The following RINT1 variants were observed in gnomAD, a reference collection of about 807,000 sequenced individuals.
The protein encoded by RINT1 is RAD50 interactor 1.
In RINT1, 75 loss-of-function variants were observed where a neutral mutation model predicts 97.7. The observed-to-expected ratio is 0.77, with a 90% confidence interval of 0.64 to 0.93. The LOEUF (loss-of-function observed/expected upper bound fraction) is 0.93, where lower values mean the gene tolerates loss of function less well. Among genes scored for constraint, RINT1 ranks in the 40% least tolerant of loss-of-function variants. The pLI is 0.00. For missense variants in RINT1, 892 were observed against 925.2 expected, an observed-to-expected ratio of 0.96 and a Z score of 0.47; for synonymous variants, 303 against 326.3, an observed-to-expected ratio of 0.93 and a Z score of 0.77.
At chr7:105,554,136 G>A (rs1346596436) in intron 10 of RINT1, among the ~76,000 whole-genome samples, 1 of 151,618 alleles carries the variant, frequency 6.6e-6, no homozygotes, top group Non-Finnish European at 1.5e-5. Context: ...CTGACCTCGT[G>A]ATCCACCCGC....
chr7:105,537,002 G>A (rs1296478505), intron 3 of RINT1, among the ~76,000 whole-genome samples: 1 of 151,998 alleles, frequency 6.6e-6, no homozygotes, highest in African/African-American at 2.4e-5. Flanking sequence ...TTTTCATAGA[G>A]TGACTTTTTT....
At chr7:105,543,934 C>CA (rs1243487350) in intron 4 of RINT1, among the ~76,000 whole-genome samples, 121 of 132,366 alleles carry the variant, frequency 9.1e-4, no homozygotes, top group East Asian at 3.6e-3. Context: ...ACTAAAAATA[C>CA]AAAAAAAAAA....
At chr7:105,546,799 C>T in intron 4 of RINT1, 111 bp from the exon 5 acceptor site, 3 of 707,166 alleles carry the variant, frequency 4.2e-6, no homozygotes, top group Non-Finnish European at 6.9e-6. Flanking sequence ...TCACTTGAAC[C>T]TGGGACACAG....
intron 6 of RINT1, 121 bp from the exon 7 acceptor site, chr7:105,548,433 A>C: frequency 1.2e-6 from 1 of 812,840 alleles, no homozygotes; most frequent in South Asian, 1.5e-5. Flanking sequence ...TTTGCATCAT[A>C]ATTAACTCTA....
rs1257618008 is a variant in RINT1, at chr7:105,559,816, A to ATAAG, written c.1672-3913_1672-3910dup. Reference sequence around the variant, plus strand: ...CAGTCCTTCAGCCAGTGAATACTGTATAAGTAAAAATTATTAAAGCTCTTG... The same window carrying ATAAG: ...CAGTCCTTCAGCCAGTGAATACTGTATAAGTAAGTAAAAATTATTAAAGCTCTTG... On this transcript the variant is annotated intron_variant, in intron 11 of 14. Transcript: ENST00000257700. Among the ~76,000 whole-genome samples, 9 of 152,354 alleles carry ATAAG rather than the reference A, an allele frequency of 5.9e-5. No homozygotes were observed. In the South Asian group the frequency reaches 1.9e-3, roughly 32 times the overall value.
chr7:105,550,104 A>C lies in RINT1; in HGVS notation c.1046A>C (p.Glu349Ala). The change falls in exon 8 of 15, where the codon GAA becomes GCA. Residue 349 changes from glutamate to alanine, a missense_variant. Transcript: ENST00000257700. ...QVLMWIGNHT[E>A]FLDEKIQPIL... Reference sequence around the variant, plus strand: ...CTTATGTGGATTGGAAACCATACTGAATTTCTGGATGAGAAGATTCAGCCA... The same window carrying C: ...CTTATGTGGATTGGAAACCATACTGCATTTCTGGATGAGAAGATTCAGCCA... 6.2e-7 allele frequency: 1 copy of C among 1,613,900 alleles called. No individual in the cohort carries two copies. Among genetic ancestry groups the C allele is most frequent in the South Asian group, 1.1e-5 (1 of 91,042 alleles).
chr7:105,544,256 C>G (rs929288551), intron 4 of RINT1, among the ~76,000 whole-genome samples: 1 of 151,958 alleles, frequency 6.6e-6, no homozygotes, highest in Non-Finnish European at 1.5e-5. Flanking sequence ...CTCCTTGTCC[C>G]TCAGAAAGGA....
chr7:105,537,986 A>T (rs1414544242), intron 3 of RINT1, among the ~76,000 whole-genome samples: 1 of 152,014 alleles, frequency 6.6e-6, no homozygotes, highest in Non-Finnish European at 1.5e-5. Flanking sequence ...TTTGTCAAAG[A>T]TAAAACATTT....
intron 10 of RINT1, among the ~76,000 whole-genome samples, chr7:105,552,141 A>G (rs1024274669): frequency 7.2e-5 from 11 of 152,188 alleles, no homozygotes; most frequent in African/African-American, 2.7e-4. Flanking sequence ...TTCAGTTTCT[A>G]TATTGGTAGA....
chr7:105,561,666 A>C (rs1415950493), intron 11 of RINT1, among the ~76,000 whole-genome samples: 1 of 151,916 alleles, frequency 6.6e-6, no homozygotes. Flanking sequence ...GGTTCAAGCA[A>C]TTCTTCTGCC....
intron 11 of RINT1, among the ~76,000 whole-genome samples, chr7:105,560,514 A>G (rs1475781617): frequency 6.6e-6 from 1 of 152,184 alleles, no homozygotes; most frequent in Non-Finnish European, 1.5e-5. Context: ...ATTTAGGTTC[A>G]TGTTGGGTAG....
At chr7:105,551,389 G>A (rs1790918421) in intron 9 of RINT1, among the ~76,000 whole-genome samples, 181 bp from the exon 10 acceptor site, 1 of 152,092 alleles carries the variant, frequency 6.6e-6, no homozygotes, top group Admixed American at 6.6e-5. Context: ...TCAGAATTTG[G>A]GGATGGGAGT....
chr7:105,552,478 T>C (rs1020810517), intron 10 of RINT1, among the ~76,000 whole-genome samples: 1 of 152,232 alleles, frequency 6.6e-6, no homozygotes, highest in Admixed American at 6.6e-5. Context: ...TAGCATCCTC[T>C]GGCCCTGGTT....
At chr7:105,533,646 C>G (rs1040090217) in intron 2 of RINT1, among the ~76,000 whole-genome samples, 6 of 152,168 alleles carry the variant, frequency 3.9e-5, no homozygotes, top group African/African-American at 9.7e-5. Flanking sequence ...AAGATTTGCC[C>G]TTAACATTAG....
chr7:105,542,657 G>A lies in RINT1; in HGVS notation c.515+8G>A. The A allele has an allele frequency of 1.2e-6, 2 of 1,611,780 alleles. No individual in the cohort carries two copies. The highest frequency in any genetic ancestry group is 1.3e-5 in the African/African-American group (1 of 74,904). On this transcript the variant is annotated splice_region_variant and intron_variant, in intron 4 of 14. Coordinates refer to ENST00000257700, the MANE Select transcript of RINT1 (RefSeq NM_021930.6). ...ACAAATTGAAGAACTAAGGTAAAAT[G>A]GGCCTCTTTGTTCTCACAATTACTA... is the stretch of plus-strand genomic sequence containing the variant.
chr7:105,552,743 G>A (rs893683330), intron 10 of RINT1, among the ~76,000 whole-genome samples: 7 of 126,512 alleles, frequency 5.5e-5, no homozygotes, highest in African/African-American at 1.7e-4. Context: ...GCATGATCTC[G>A]GCTCACTGCA....
chr7:105,546,606 A>G (rs1368043282), intron 4 of RINT1, among the ~76,000 whole-genome samples: 1 of 152,062 alleles, frequency 6.6e-6, no homozygotes, highest in African/African-American at 2.4e-5. Flanking sequence ...GGGCACGGTG[A>G]CTCACGCCTC....
chr7:105,560,394 A>G (rs1791386972), intron 11 of RINT1, among the ~76,000 whole-genome samples: 1 of 152,146 alleles, frequency 6.6e-6, no homozygotes, highest in South Asian at 2.1e-4. Flanking sequence ...TTAAAAGGGG[A>G]AAAGTTGCCA....
chr7:105,557,426 T>C lies in RINT1; in HGVS notation c.1671+2199T>C, dbSNP rs145198598. ...AGATGAGTCACAAAGATGGACAAGA[T>C]AAATTAATTTAAAATATCTGTACAT... On this transcript the variant is annotated intron_variant, in intron 11 of 14. Coordinates refer to ENST00000257700, the MANE Select transcript of RINT1 (RefSeq NM_021930.6). 1.5e-3 allele frequency among the ~76,000 whole-genome samples: 231 copies of C among 152,164 alleles called. 1 individual carries two copies. Among genetic ancestry groups the C allele is most frequent in the African/African-American group, 5.4e-3 (225 of 41,534 alleles).
Sources: allele counts gnomAD v4.1 joint callset (sites outside exome capture counted in the v4.1 genomes callset), GRCh38; gene constraint gnomAD v4.1.1; transcripts MANE v1.5; gene names NCBI Gene and HGNC (gene_info 2026-07-23, HGNC 2026-07-21).